The following CAMK4 variants were observed in gnomAD, a reference collection of about 807,000 sequenced individuals.
CAMK4 encodes the protein calcium/calmodulin-dependent protein kinase type IV.
A neutral mutation model predicts 44.9 loss-of-function variants in CAMK4; 22 were observed. The observed-to-expected ratio is 0.49, with a 90% CI of 0.35 to 0.70. CAMK4 has a LOEUF of 0.70. Ranked by LOEUF, CAMK4 falls within the 30% of genes least tolerant of loss-of-function variation. The probability of loss-of-function intolerance (pLI) is 0.01; values close to 1 mark genes in which losing one functional copy is unlikely to be tolerated. For missense variants in CAMK4, 498 were observed against 586.8 expected, an observed-to-expected ratio of 0.85 and a Z score of 1.56; for synonymous variants, 218 against 215.4, an observed-to-expected ratio of 1.01 and a Z score of -0.11.
chr5:111,399,317 G>A (rs554447526), intron 5 of CAMK4, among the ~76,000 whole-genome samples: 73 of 152,222 alleles, frequency 4.8e-4, no homozygotes, highest in African/African-American at 1.7e-3. Context: ...GGTCTCTGCT[G>A]AAGTGTGACT....
At chr5:111,467,947 C>T (rs1486028611) in intron 7 of CAMK4, among the ~76,000 whole-genome samples, 1 of 151,052 alleles carries the variant, frequency 6.6e-6, no homozygotes. Flanking sequence ...CACACACACA[C>T]ACACACACAC....
At chr5:111,270,401 G>C (rs2112580428) in intron 1 of CAMK4, among the ~76,000 whole-genome samples, 1 of 152,096 alleles carries the variant, frequency 6.6e-6, no homozygotes, top group Middle Eastern at 3.4e-3. Context: ...CCCTCTAGTT[G>C]CTGCCATGCC....
At chr5:111,318,079 A>G (rs1264975601) in intron 1 of CAMK4, among the ~76,000 whole-genome samples, 3 of 133,348 alleles carry the variant, frequency 2.2e-5, no homozygotes, top group African/African-American at 7.5e-5. Flanking sequence ...TCAGCTTTTC[A>G]TTTATGGCAA....
intron 1 of CAMK4, among the ~76,000 whole-genome samples, chr5:111,321,578 G>T (rs923609112): frequency 1.3e-5 from 2 of 152,092 alleles, no homozygotes; most frequent in Non-Finnish European, 2.9e-5. Flanking sequence ...CAGCCATCTG[G>T]TATAGCTCTC....
rs1191916304 is a variant in CAMK4 at position 111,324,607 on chromosome 5, AT to A, written c.162-19413del. Among the ~76,000 whole-genome samples the A allele has an allele frequency of 3.3e-5, 5 of 152,048 alleles. No homozygotes were observed. In the East Asian group the frequency reaches 9.7e-4, roughly 29 times the overall value. On this transcript the variant is annotated intron_variant, in intron 1 of 10. Transcript: ENST00000282356. The stretch of plus-strand genomic sequence containing the variant: ...GAAAAATAGATTCACAAAGCTAGAG[AT>A]TTTAACACCCCCCTCTCAAAAATTG...
chr5:111,487,907 C>T lies in CAMK4; in HGVS notation c.*3441C>T, dbSNP rs1393501002. The T allele has an allele frequency of 6.6e-6, 1 of 152,186 alleles. No homozygotes were observed. The highest frequency in any genetic ancestry group is 2.4e-5 in the African/African-American group (1 of 41,424). 9.4% of individuals were successfully genotyped at this position (152,186 alleles called of 1,614,324 possible). ...ACTGAGTAAAAGCTTATTGACCACT[C>T]CTGCCCATTCATTTACTTCAGAGGA... On this transcript the variant is annotated 3_prime_UTR_variant, in exon 11 of 11. Coordinates refer to ENST00000282356, the MANE Select transcript of CAMK4 (RefSeq NM_001744.6).
chr5:111,367,056 A>G (rs1030610557), intron 2 of CAMK4, among the ~76,000 whole-genome samples: 13 of 151,476 alleles, frequency 8.6e-5, no homozygotes, highest in Non-Finnish European at 1.5e-4. Context: ...GAGCAATAAT[A>G]CACCATAAAT....
rs372158038 is a variant in CAMK4, at chr5:111,312,727, G to A, written c.162-31297G>A. Reference sequence around the variant, plus strand: ...GGAACCATCCAAGAAACTCAGAAATGTCTCTGAGTTTAAAATACAGAGTAG... The same window carrying A: ...GGAACCATCCAAGAAACTCAGAAATATCTCTGAGTTTAAAATACAGAGTAG... On this transcript the variant is annotated intron_variant, in intron 1 of 10. Coordinates refer to ENST00000282356, the MANE Select transcript of CAMK4 (RefSeq NM_001744.6). 5.3e-5 allele frequency among the ~76,000 whole-genome samples: 8 copies of A among 152,116 alleles called. 1 individual carries two copies. Among genetic ancestry groups the A allele is most frequent in the Admixed American group, 2.6e-4 (4 of 15,254 alleles).
rs2112748 is a variant in CAMK4 at position 111,323,285 on chromosome 5, C to A, written c.162-20739C>A. ...TGATATACAGACAGTCCTATACTTA[C>A]GATTTTTTTTACTTTATGATGGGTT... On this transcript the variant is annotated intron_variant, in intron 1 of 10. Coordinates refer to ENST00000282356, the MANE Select transcript of CAMK4 (RefSeq NM_001744.6). Among the ~76,000 whole-genome samples the A allele has an allele frequency of 8.4e-3, 1,276 of 152,048 alleles. 20 individuals carry two copies. The highest frequency in any genetic ancestry group is 0.03 in the African/African-American group (1,229 of 41,524).
chr5:111,454,589 T>G (rs796657994), intron 7 of CAMK4, among the ~76,000 whole-genome samples: 10 of 148,968 alleles, frequency 6.7e-5, no homozygotes, highest in African/African-American at 2.5e-4. Flanking sequence ...CATGAAGAGT[T>G]CAGTGTTGAA....
At chr5:111,324,617 C>T (rs775789115) in intron 1 of CAMK4, among the ~76,000 whole-genome samples, 6 of 151,316 alleles carry the variant, frequency 4.0e-5, no homozygotes, top group Non-Finnish European at 7.4e-5. Context: ...ATTTTAACAC[C>T]CCCCTCTCAA....
chr5:111,272,230 A>C (rs1366033596), intron 1 of CAMK4, among the ~76,000 whole-genome samples: 1 of 152,064 alleles, frequency 6.6e-6, no homozygotes, highest in Non-Finnish European at 1.5e-5. Context: ...CTCGGGTTTA[A>C]TTCTGCCAAA....
At chr5:111,267,852 AGAAT>A (rs1267164886) in intron 1 of CAMK4, among the ~76,000 whole-genome samples, 105 of 139,348 alleles carry the variant, frequency 7.5e-4, no homozygotes, top group African/African-American at 3.0e-3. Context: ...AATATTAGTG[AGAAT>A]GCTGATGAAC....
chr5:111,468,045 A>G (rs1454517895), intron 7 of CAMK4, among the ~76,000 whole-genome samples: 1 of 152,064 alleles, frequency 6.6e-6, no homozygotes. Context: ...GTTAGAGACC[A>G]TTATTGTAAG....
intron 5 of CAMK4, among the ~76,000 whole-genome samples, chr5:111,444,359 A>T (rs1289498734): frequency 2.6e-5 from 4 of 152,210 alleles, no homozygotes; most frequent in African/African-American, 9.7e-5. Context: ...AATAGAGCTT[A>T]AAATACAGTA....
At chr5:111,225,551 A>G (rs1266276746) in intron 1 of CAMK4, among the ~76,000 whole-genome samples, 1 of 152,220 alleles carries the variant, frequency 6.6e-6, no homozygotes, top group Non-Finnish European at 1.5e-5. Flanking sequence ...AGTATAGGGA[A>G]TCTGAAGATG....
chr5:111,484,488 A>T lies in CAMK4; in HGVS notation c.*22A>T, dbSNP rs1486676036. On this transcript the variant is annotated 3_prime_UTR_variant, in exon 11 of 11. Coordinates refer to ENST00000282356, the MANE Select transcript of CAMK4 (RefSeq NM_001744.6). This position sits in a 1 kb window ranked among gnomAD's most constrained non-coding sequence, Gnocchi z 5.3. ...CTAAACAGCTTCCTTCAGATCTGGA[A>T]GCCAAACACCGGCATTTTATGTACT... 1.4e-6 allele frequency: 2 copies of T among 1,453,876 alleles called. No homozygotes were observed. The highest frequency in any genetic ancestry group is 2.8e-5 in the African/African-American group (2 of 70,738). 90.1% of individuals were successfully genotyped at this position (1,453,876 alleles called of 1,614,324 possible).
chr5:111,323,694 T>C (rs1374540929), intron 1 of CAMK4, among the ~76,000 whole-genome samples: 1 of 152,060 alleles, frequency 6.6e-6, no homozygotes, highest in Non-Finnish European at 1.5e-5. Flanking sequence ...AAAATAGACA[T>C]TTTAAAATAA....
At chr5:111,262,025 G>A (rs894153639) in intron 1 of CAMK4, among the ~76,000 whole-genome samples, 8 of 152,032 alleles carry the variant, frequency 5.3e-5, no homozygotes, top group African/African-American at 1.9e-4. Context: ...TAGGTCTGCA[G>A]AGTCATCCTT....
Sources: allele counts gnomAD v4.1 joint callset (sites outside exome capture counted in the v4.1 genomes callset), GRCh38; gene constraint gnomAD v4.1.1; non-coding constraint Gnocchi (gnomAD v3.1); transcripts MANE v1.5; gene names NCBI Gene and HGNC (gene_info 2026-07-23, HGNC 2026-07-21).